PXDN: variants seen among roughly 807,000 people sequenced by gnomAD.
PXDN encodes peroxidasin homolog.
PXDN carries 77 observed loss-of-function variants against 140.3 expected under a neutral mutation model. The ratio of observed to expected loss-of-function variants is 0.55; its 90% CI spans 0.46 to 0.66. The LOEUF is 0.66. PXDN is among the 30% of genes least tolerant of loss of function. PXDN has a pLI of 0.00. For synonymous variants in PXDN, 911 were observed against 857.4 expected (o/e 1.06, Z -1.09); for missense variants, 1,838 against 2,039.5 (o/e 0.90, Z 1.90).
intron 22 of PXDN, 118 bp from the exon 23 acceptor site, chr2:1,634,441 C>T (rs960077978): frequency 1.5e-6 from 2 of 1,311,448 alleles, no homozygotes; most frequent in African/African-American, 1.5e-5. Context: ...TGCCCTGAGG[C>T]CCCTGCCTTG....
At chr2:1,731,398 T>C (rs996589510) in intron 1 of PXDN, among the ~76,000 whole-genome samples, 3 of 151,872 alleles carry the variant, frequency 2.0e-5, no homozygotes, top group African/African-American at 7.3e-5. Context: ...ACGTGTGCTG[T>C]CTCTCCAGTG....
rs1417342925 is a variant in PXDN, at chr2:1,634,200, G to T, written c.*4C>A. 6.4e-7 allele frequency: 1 copy of T among 1,569,904 alleles called. No individual in the cohort carries two copies. On this transcript the variant is annotated 3_prime_UTR_variant, in exon 23 of 23. Transcript: ENST00000252804. Reference sequence around the variant, plus strand: ...AGACAAACTCTGAGGAGCCTCCCAGGAGCCTAGGGCTTTTCCTCCGCCCTC... The same window carrying T: ...AGACAAACTCTGAGGAGCCTCCCAGTAGCCTAGGGCTTTTCCTCCGCCCTC...
chr2:1,700,218 C>T (rs566573727), intron 1 of PXDN, among the ~76,000 whole-genome samples: 52 of 152,178 alleles, frequency 3.4e-4, no homozygotes, highest in African/African-American at 1.2e-3. Context: ...CATGCCACTG[C>T]GCCCAGCTAA....
At chr2:1,721,035 G>A (rs1247068084) in intron 1 of PXDN, among the ~76,000 whole-genome samples, 2 of 152,182 alleles carry the variant, frequency 1.3e-5, no homozygotes, top group Non-Finnish European at 2.9e-5. Flanking sequence ...CTAACTGGAC[G>A]AGGTCCACCC....
In PXDN at chr2:1,677,630, G is replaced by A. The variant is rs768346172; in HGVS notation, c.731-586C>T. Among the ~76,000 whole-genome samples the A allele has an allele frequency of 1.7e-3, 263 of 151,168 alleles. 1 individual carries two copies. Among genetic ancestry groups the A allele is most frequent in the Admixed American group, 4.1e-3 (62 of 15,222 alleles). ...GAGGGCCATCCGAGGGCCACCCGAG[G>A]GCTGACGGCTCCCAGGCCTTCCTCG... is the stretch of plus-strand genomic sequence containing the variant. On this transcript the variant is annotated intron_variant, in intron 7 of 22. Transcript: ENST00000252804.
chr2:1,725,167 G>A (rs1374834132), intron 1 of PXDN, among the ~76,000 whole-genome samples: 2 of 152,092 alleles, frequency 1.3e-5, no homozygotes, highest in Non-Finnish European at 2.9e-5. Context: ...ATAATTTGCT[G>A]TTGGTTTAAA....
Position 1,683,583 on chromosome 2 carries a change from A to T in PXDN, c.560+73T>A, listed in dbSNP as rs1056819381. 3.4e-6 allele frequency: 4 copies of T among 1,182,634 alleles called. No individual in the cohort carries two copies. The South Asian group carries it at 4.4e-5, about 13-fold the overall frequency. The allele number at this position is 1,182,634 out of a possible 1,614,324, so 73.3% of individuals were successfully genotyped here. A position where few individuals can be genotyped will look rare whatever the true frequency, so the allele number is the denominator to read the frequency against. ...ATCAACATTTCACAATACTTGAAAAAGAACCAGGTGAATAGATAACAGAGA... is the reference window on the plus strand; with the variant it reads ...ATCAACATTTCACAATACTTGAAAATGAACCAGGTGAATAGATAACAGAGA... On this transcript the variant is annotated intron_variant, in intron 6 of 22. Coordinates refer to ENST00000252804, the MANE Select transcript of PXDN (RefSeq NM_012293.3).
intron 1 of PXDN, among the ~76,000 whole-genome samples, chr2:1,742,931 G>C (rs925318134): frequency 6.6e-6 from 1 of 152,222 alleles, no homozygotes; most frequent in African/African-American, 2.4e-5. Context: ...CCCACTTCCT[G>C]AATTGTTCAC....
intron 1 of PXDN, among the ~76,000 whole-genome samples, chr2:1,696,149 T>G (rs923241203): frequency 6.6e-6 from 1 of 152,276 alleles, no homozygotes; most frequent in African/African-American, 2.4e-5. Flanking sequence ...ATTGAGTGCA[T>G]GCTGAAACAT....
rs6740236 is a variant in PXDN at position 1,732,424 on chromosome 2, G to A, written c.200+11832C>T. On this transcript the variant is annotated intron_variant, in intron 1 of 22. Coordinates refer to ENST00000252804, the MANE Select transcript of PXDN (RefSeq NM_012293.3). ...AGGGATCACAGGGTCACACACACAC[G>A]GGGCCAGAAGGATCACAGGGTCACA... 1.8e-4 allele frequency among the ~76,000 whole-genome samples: 27 copies of A among 151,584 alleles called. 1 individual carries two copies. The highest frequency in any genetic ancestry group is 6.1e-4 in the African/African-American group (25 of 41,002).
chr2:1,737,553 T>C lies in PXDN; in HGVS notation c.200+6703A>G, dbSNP rs555239774. The stretch of plus-strand genomic sequence containing the variant: ...CATAATGCCTATTCTTTTCTTTTTT[T>C]TTTTGAGATGGAGTCTTGCTCTGTC... On this transcript the variant is annotated intron_variant, in intron 1 of 22. Transcript: ENST00000252804. Among the ~76,000 whole-genome samples the C allele has an allele frequency of 2.3e-3, 347 of 152,266 alleles. 1 individual carries two copies. Among genetic ancestry groups the C allele is most frequent in the Middle Eastern group, 0.01 (3 of 294 alleles).
intron 14 of PXDN, among the ~76,000 whole-genome samples, chr2:1,659,412 C>A (rs1217042463): frequency 6.6e-6 from 1 of 152,176 alleles, no homozygotes; most frequent in Non-Finnish European, 1.5e-5. Context: ...ATGAGACATA[C>A]AATTTTATAT....
At position 1,664,770 on chromosome 2, in the gene PXDN, T is replaced by C. The variant is rs568180098; in HGVS notation, c.1408+188A>G. 39 of 574,030 alleles carry C rather than the reference T, an allele frequency of 6.8e-5. No homozygotes were observed. In the East Asian group the frequency reaches 1.0e-3, roughly 15 times the overall value. The allele number at this position is 574,030 out of a possible 1,614,324, so 35.6% of individuals were successfully genotyped here. ...CCATGATGTCCATGAGGGACGGCCA[T>C]GCATGGACAGGAAGCCGCGGGGGAT... On this transcript the variant is annotated intron_variant, in intron 11 of 22. Transcript: ENST00000252804.
chr2:1,680,447 G>A (rs1043345628), intron 6 of PXDN, 85 bp from the exon 7 acceptor site: 180 of 1,519,294 alleles, frequency 1.2e-4, no homozygotes, highest in East Asian at 3.2e-4. Context: ...CAGGTCCCGC[G>A]TCGGGAAACA....
chr2:1,641,192 C>T (rs554977075), intron 19 of PXDN, among the ~76,000 whole-genome samples: 1 of 152,320 alleles, frequency 6.6e-6, no homozygotes, highest in South Asian at 2.1e-4. Flanking sequence ...ACTCTTGTTG[C>T]CCAGGCTGGG....
Position 1,663,674 on chromosome 2 carries a change from A to G in PXDN, c.1498T>C (p.Tyr500His), listed in dbSNP as rs368890003. Reference protein sequence around the residue: ...SGVALHDQGQYECQAVNIIGS... With the variant: ...SGVALHDQGQHECQAVNIIGS... The stretch of plus-strand genomic sequence containing the variant: ...ATGATGTTGACAGCCTGGCATTCGT[A>G]CTGGCCCTGGTCGTGGAGGGCAACA... Residue 500 changes from tyrosine to histidine, a missense_variant, in exon 12 of 23, where the codon TAC becomes CAC. Tyr to His is a moderately conservative substitution (Grantham distance 83). Around this residue, in one of 5 missense-constraint regions of PXDN, gnomAD observed 537 missense variants for 583.9 expected, o/e 0.92. Transcript: ENST00000252804. 71 of 1,613,890 alleles carry G rather than the reference A, an allele frequency of 4.4e-5. No homozygotes were observed. Among genetic ancestry groups the G allele is most frequent in the Non-Finnish European group, 5.6e-5 (66 of 1,179,908 alleles).
At chr2:1,744,172 C>G (rs981126843) in intron 1 of PXDN, 84 bp downstream of exon 1, 1 of 1,286,920 alleles carries the variant, frequency 7.8e-7, no homozygotes, top group East Asian at 3.2e-5. Context: ...ACCCTCCGCG[C>G]CCCCCACCTC....
In PXDN at chr2:1,680,205, C is replaced by T; in HGVS notation, c.718G>A (p.Glu240Lys). 1.3e-6 allele frequency: 2 copies of T among 1,576,010 alleles called. No homozygotes were observed. The highest frequency in any genetic ancestry group is 1.7e-6 in the Non-Finnish European group (2 of 1,160,900). The change falls in exon 7 of 23, where the codon GAG (glutamate) becomes AAG (lysine). Residue 240 changes from glutamate to lysine, a missense_variant. This residue lies in a region of PXDN where 208 missense variants were observed against 325.8 expected (regional missense o/e 0.64). Coordinates refer to ENST00000252804, the MANE Select transcript of PXDN (RefSeq NM_012293.3). ...GRSVATITPE[E>K]LNCERPRITS... Reference sequence around the variant, plus strand: ...TCGGGCCACTCACCACAGTTCAGCTCTTCCGGGGTGATGGTTGCCACTGAG... The same window carrying T: ...TCGGGCCACTCACCACAGTTCAGCTTTTCCGGGGTGATGGTTGCCACTGAG...
At chr2:1,643,688 G>C in intron 18 of PXDN, 112 bp from the exon 19 acceptor site, 2 of 1,067,696 alleles carry the variant, frequency 1.9e-6, no homozygotes, top group South Asian at 2.9e-5. Flanking sequence ...GAAACCACTA[G>C]GTTTGATTAG....
Sources: allele counts gnomAD v4.1 joint callset (sites outside exome capture counted in the v4.1 genomes callset), GRCh38; gene constraint gnomAD v4.1.1; regional missense constraint gnomAD v4.1.1; transcripts MANE v1.5; gene names NCBI Gene and HGNC (gene_info 2026-07-23, HGNC 2026-07-21).